Variants in KATNIP observed in about 807,000 individuals in gnomAD.
KATNIP encodes katanin interacting protein.
KATNIP carries 126 observed loss-of-function variants against 174.0 expected under a neutral mutation model. The observed-to-expected ratio is 0.72, with a 90% CI of 0.63 to 0.84. The LOEUF is 0.84. Among genes scored for constraint, KATNIP ranks in the 40% least tolerant of loss-of-function variants. The pLI is 0.00. For synonymous variants in KATNIP, 810 were observed against 835.7 expected, an observed-to-expected ratio of 0.97 and a Z score of 0.53; for missense variants, 1,958 against 2,109.7, an observed-to-expected ratio of 0.93 and a Z score of 1.41.
intron 6 of KATNIP, among the ~76,000 whole-genome samples, chr16:27,650,586 C>T (rs560642801): frequency 2.6e-5 from 4 of 152,246 alleles, no homozygotes; most frequent in South Asian, 4.1e-4. Flanking sequence ...CTTGCTTCTA[C>T]GTATCGCTTT....
Position 27,738,661 on chromosome 16 carries a change from G to A in KATNIP, c.1744-1380G>A, listed in dbSNP as rs561342721. Among the ~76,000 whole-genome samples, 17 of 152,272 alleles carry A rather than the reference G, an allele frequency of 1.1e-4. 2 individuals carry two copies. Among genetic ancestry groups the A allele is most frequent in the Admixed American group, 7.2e-4 (11 of 15,300 alleles). ...GAGCTTTGGAATTTATCCCATCATC[G>A]GCATGGTTCTGCACCCCGTCGTGTG... On this transcript the variant is annotated intron_variant, in intron 14 of 27. Transcript: ENST00000261588.
chr16:27,723,790 C>G (rs2080333207), intron 14 of KATNIP, among the ~76,000 whole-genome samples: 2 of 151,662 alleles, frequency 1.3e-5, no homozygotes, highest in Non-Finnish European at 2.9e-5. Flanking sequence ...GAGAGGCAGT[C>G]CTCCCTTCCT....
intron 6 of KATNIP, among the ~76,000 whole-genome samples, chr16:27,659,263 G>C (rs1265010551): frequency 2.6e-5 from 4 of 152,062 alleles, no homozygotes; most frequent in Non-Finnish European, 1.5e-5. Flanking sequence ...CTGTAATCCT[G>C]GTGCTTGGGA....
At position 27,551,602 on chromosome 16, in the gene KATNIP, T is replaced by C. The variant is rs543541107; in HGVS notation, c.7+1425T>C. ...TTAGTTCCTTTAAAAATAATAAAAA[T>C]TGGGCCGGGCATGGACTCGTGCCTG... On this transcript the variant is annotated intron_variant, in intron 1 of 27. Transcript: ENST00000261588. Among the ~76,000 whole-genome samples the C allele has an allele frequency of 8.5e-5, 13 of 152,272 alleles. No individual in the cohort carries two copies. In the South Asian group the frequency reaches 2.3e-3, roughly 27 times the overall value.
intron 14 of KATNIP, among the ~76,000 whole-genome samples, chr16:27,726,085 G>A (rs1952166327): frequency 6.6e-6 from 1 of 152,184 alleles, no homozygotes; most frequent in South Asian, 2.1e-4. Context: ...GACCGCCTGA[G>A]CTCTGCCCTC....
chr16:27,780,089 G>A lies in KATNIP; in HGVS notation c.*1460G>A, dbSNP rs1048315571. 6.6e-6 allele frequency: 1 copy of A among 151,466 alleles called. No individual in the cohort carries two copies. Among genetic ancestry groups the A allele is most frequent in the Non-Finnish European group, 1.5e-5 (1 of 68,032 alleles). 9.4% of individuals were successfully genotyped at this position (151,466 alleles called of 1,614,324 possible). On this transcript the variant is annotated 3_prime_UTR_variant, in exon 28 of 28. Transcript: ENST00000261588. ...GAGCACCTCCCGCCAGGGGGAGTCA[G>A]GGGTTGATCAAACCAGCTCTTGTGA...
At chr16:27,738,259 G>T (rs2143483124) in intron 14 of KATNIP, among the ~76,000 whole-genome samples, 1 of 152,276 alleles carries the variant, frequency 6.6e-6, no homozygotes, top group African/African-American at 2.4e-5. Context: ...GTGGGTGGTT[G>T]CCTGGAGCCA....
intron 14 of KATNIP, among the ~76,000 whole-genome samples, chr16:27,729,144 G>A (rs2080563508): frequency 6.6e-6 from 1 of 152,324 alleles, no homozygotes; most frequent in Admixed American, 6.5e-5. Flanking sequence ...GCTCATGTAA[G>A]AGAAGACGCT....
Position 27,751,921 on chromosome 16 carries a change from A to C in KATNIP, c.3549A>C (p.Glu1183Asp), listed in dbSNP as rs150638573. ...CCCAGGCTGGCTTGGGGGCTGATGA[A>C]CGGGTAGGACTGGAGCTGGGGGGCT... ...PFTQAGLGADERIPELELPSS... is the reference protein window; with the variant it reads ...PFTQAGLGADDRIPELELPSS... The change falls in exon 17 of 28, where the codon GAA (glutamate) becomes GAC (aspartate). Residue 1183 changes from glutamate to aspartate, a missense_variant. Transcript: ENST00000261588. 347 of 1,605,762 alleles carry C rather than the reference A, an allele frequency of 2.2e-4. 2 individuals carry two copies. The African/African-American group carries it at 4.5e-3, about 21-fold the overall frequency.
At chr16:27,558,207 G>A (rs984824913) in intron 1 of KATNIP, among the ~76,000 whole-genome samples, 1 of 152,120 alleles carries the variant, frequency 6.6e-6, no homozygotes, top group Non-Finnish European at 1.5e-5. Flanking sequence ...GTGCAGTGGT[G>A]CGATCTCAGC....
chr16:27,725,706 C>T (rs1242737303), intron 14 of KATNIP, among the ~76,000 whole-genome samples: 1 of 152,104 alleles, frequency 6.6e-6, no homozygotes, highest in African/African-American at 2.4e-5. Context: ...CAGCAGCTCC[C>T]CATGGTCCAT....
At position 27,779,961 on chromosome 16, in the gene KATNIP, C is replaced by T. The variant is rs1302945802; in HGVS notation, c.*1332C>T. 1.3e-5 allele frequency: 2 copies of T among 152,190 alleles called. No individual in the cohort carries two copies. Among genetic ancestry groups the T allele is most frequent in the Non-Finnish European group, 2.9e-5 (2 of 68,042 alleles). 9.4% of individuals were successfully genotyped at this position (152,190 alleles called of 1,614,324 possible). A position where few individuals can be genotyped will look rare whatever the true frequency, so the allele number is the denominator to read the frequency against. On this transcript the variant is annotated 3_prime_UTR_variant, in exon 28 of 28. Coordinates refer to ENST00000261588, the MANE Select transcript of KATNIP (RefSeq NM_015202.5). Reference sequence around the variant, plus strand: ...ATGCAAACGCGCTTTTCATTTGGAGCACGGGGCTGATGTGAAGATAAGAAT... The same window carrying T: ...ATGCAAACGCGCTTTTCATTTGGAGTACGGGGCTGATGTGAAGATAAGAAT...
At chr16:27,579,779 G>C (rs929673262) in intron 2 of KATNIP, among the ~76,000 whole-genome samples, 1 of 152,144 alleles carries the variant, frequency 6.6e-6, no homozygotes, top group African/African-American at 2.4e-5. Flanking sequence ...CTGCTGAACT[G>C]ACTTTGCAAG....
rs913633518 is a variant in KATNIP at position 27,750,157 on chromosome 16, A to G, written c.3197A>G (p.His1066Arg). 34 of 1,613,856 alleles carry G rather than the reference A, an allele frequency of 2.1e-5. No homozygotes were observed. The highest frequency in any genetic ancestry group is 2.8e-5 in the Non-Finnish European group (33 of 1,180,016). Residue 1066 changes from histidine to arginine, a missense_variant, in exon 16 of 28, where the codon CAC becomes CGC. His to Arg is a conservative substitution (Grantham distance 29). Around this residue, in one of 3 missense-constraint regions of KATNIP, gnomAD observed 1,557 missense variants for 1,617.8 expected, o/e 0.96. Transcript: ENST00000261588. The stretch of plus-strand genomic sequence containing the variant: ...CACTCCATCACCATTGACTTCACGC[A>G]CCCTTGCCACGTTGCCCTGATCAGA... ...RSHSITIDFT[H>R]PCHVALIRIW...
intron 1 of KATNIP, among the ~76,000 whole-genome samples, chr16:27,555,289 T>C (rs1284051719): frequency 6.6e-6 from 1 of 152,242 alleles, no homozygotes; most frequent in African/African-American, 2.4e-5. Context: ...TTATTCGGCA[T>C]GTCTTAATCA....
intron 6 of KATNIP, among the ~76,000 whole-genome samples, chr16:27,660,391 A>G (rs2077433916): frequency 6.6e-6 from 1 of 152,216 alleles, no homozygotes; most frequent in African/African-American, 2.4e-5. Context: ...TCTATTAAAA[A>G]TACAAAAATT....
At chr16:27,710,529 T>C (rs527646508) in intron 13 of KATNIP, among the ~76,000 whole-genome samples, 1 of 152,110 alleles carries the variant, frequency 6.6e-6, no homozygotes, top group African/African-American at 2.4e-5. Flanking sequence ...TTCACAATTA[T>C]CTCCTCGGAG....
At chr16:27,716,569 A>G (rs1294349942) in intron 13 of KATNIP, among the ~76,000 whole-genome samples, 1 of 152,102 alleles carries the variant, frequency 6.6e-6, no homozygotes, top group Non-Finnish European at 1.5e-5. Context: ...CAAAACCAGG[A>G]CCTTGACATT....
intron 6 of KATNIP, among the ~76,000 whole-genome samples, chr16:27,665,101 G>T (rs1256855223): frequency 1.3e-5 from 2 of 148,438 alleles, no homozygotes; most frequent in Non-Finnish European, 3.0e-5. Context: ...CTCTTTCATT[G>T]TTTCTGCTCT....
Sources: gnomAD v4.1 joint callset for allele counts (sites outside exome capture counted in the v4.1 genomes callset) on GRCh38, gnomAD v4.1.1 for gene constraint, gnomAD v4.1.1 regional missense constraint, MANE v1.5 for transcripts, NCBI Gene and HGNC (gene_info 2026-07-23, HGNC 2026-07-21) for gene names.